The following DENND5B variants were observed in gnomAD, a reference collection of about 807,000 sequenced individuals.
DENND5B encodes the protein DENN domain containing 5B, also known as DENN domain-containing protein 5B.
A neutral mutation model predicts 140.6 loss-of-function variants in DENND5B; 34 were observed. The ratio of observed to expected loss-of-function variants is 0.24; its 90% CI spans 0.18 to 0.32. DENND5B has a LOEUF of 0.32. DENND5B is among the 10% of genes least tolerant of loss of function. DENND5B has a pLI of 1.00. For synonymous variants in DENND5B, 551 were observed against 562.1 expected, an observed-to-expected ratio of 0.98 and a Z score of 0.28; for missense variants, 1,142 against 1,560.2, an observed-to-expected ratio of 0.73 and a Z score of 4.52.
chr12:31,585,614 A>G (rs532336963), intron 1 of DENND5B, among the ~76,000 whole-genome samples: 1 of 152,354 alleles, frequency 6.6e-6, no homozygotes, highest in African/African-American at 2.4e-5. Context: ...GATCAAATGT[A>G]ATCTGAGAGG....
chr12:31,551,415 G>T (rs1278144424), intron 1 of DENND5B, among the ~76,000 whole-genome samples: 1 of 152,082 alleles, frequency 6.6e-6, no homozygotes, highest in Non-Finnish European at 1.5e-5. Context: ...CTGTTCCATT[G>T]ATCTATATCT....
At chr12:31,414,695 G>A (rs1288347524) in intron 12 of DENND5B, among the ~76,000 whole-genome samples, 3 of 151,898 alleles carry the variant, frequency 2.0e-5, no homozygotes, top group Middle Eastern at 3.2e-3. Context: ...CACTTTGGAC[G>A]GCTGAGGCAG....
intron 2 of DENND5B, among the ~76,000 whole-genome samples, chr12:31,489,179 A>G (rs918608349): frequency 3.3e-5 from 5 of 152,210 alleles, no homozygotes; most frequent in African/African-American, 1.2e-4. Context: ...ACTTAGAAGT[A>G]TAGTAGGCTA....
intron 2 of DENND5B, among the ~76,000 whole-genome samples, chr12:31,482,618 ACT>A (rs1039862739): frequency 1.9e-4 from 28 of 151,334 alleles, no homozygotes; most frequent in African/African-American, 3.2e-4. Context: ...TTGCTCTATC[ACT>A]CAGGATGAAG....
rs907485254 is a variant in DENND5B, at chr12:31,385,847, T to G, written c.*1756A>C. The G allele has an allele frequency of 6.6e-6, 1 of 152,430 alleles. No individual in the cohort carries two copies. The highest frequency in any genetic ancestry group is 2.4e-5 in the African/African-American group (1 of 41,462). 9.4% of individuals were successfully genotyped at this position (152,430 alleles called of 1,614,324 possible). On this transcript the variant is annotated 3_prime_UTR_variant, in exon 21 of 21. Coordinates refer to ENST00000389082, the MANE Select transcript of DENND5B (RefSeq NM_144973.4). Reference sequence around the variant, plus strand: ...ACCCGCCACCACGCCCGGCTAATTTTTTGTATTTTTAGTAGAGACGGGGTT... The same window carrying G: ...ACCCGCCACCACGCCCGGCTAATTTGTTGTATTTTTAGTAGAGACGGGGTT...
At chr12:31,427,638 GT>G (rs1943310534) in intron 8 of DENND5B, among the ~76,000 whole-genome samples, 1 of 151,586 alleles carries the variant, frequency 6.6e-6, no homozygotes, top group Non-Finnish European at 1.5e-5. Context: ...GATACCTTAT[GT>G]TTACATCAGG....
chr12:31,447,603 T>C lies in DENND5B; in HGVS notation c.1796A>G (p.Tyr599Cys), dbSNP rs1944328003. 1 of 1,614,018 alleles carries C rather than the reference T, an allele frequency of 6.2e-7. No individual in the cohort carries two copies. The highest frequency in any genetic ancestry group is 1.1e-5 in the South Asian group (1 of 91,082). The part of the protein sequence containing the change: ...FDTRIDKIRL[Y>C]NVRAPTLRTS... ...CCGCAAGGTGGGTGCCCTTACATTATACAGCCTTATCTTATCAATCCGAGT... is the reference window on the plus strand; with the variant it reads ...CCGCAAGGTGGGTGCCCTTACATTACACAGCCTTATCTTATCAATCCGAGT... Residue 599 changes from tyrosine (Y) to cysteine (C), a missense_variant, in exon 6 of 21, where the codon TAT becomes TGT. Physicochemically the swap from Tyr to Cys is radical, Grantham distance 194. This residue lies in a region of DENND5B where 708 missense variants were observed against 905.5 expected (regional missense o/e 0.78). Coordinates refer to ENST00000389082, the MANE Select transcript of DENND5B (RefSeq NM_144973.4).
At position 31,583,241 on chromosome 12, in the gene DENND5B, G is replaced by A. The variant is rs1950267044; in HGVS notation, c.127+7465C>T. Among the ~76,000 whole-genome samples, 5 of 151,474 alleles carry A rather than the reference G, an allele frequency of 3.3e-5. No individual in the cohort carries two copies. The South Asian group carries it at 1.0e-3, about 31-fold the overall frequency. On this transcript the variant is annotated intron_variant, in intron 1 of 20. Transcript: ENST00000389082. ...CGGGAGGCGGAGATTGCAGTGAGGA[G>A]AGATAGCGCCACTGCGCTCCAGCCT...
intron 3 of DENND5B, among the ~76,000 whole-genome samples, chr12:31,466,150 C>T (rs1945253889): frequency 6.6e-6 from 1 of 151,744 alleles, no homozygotes; most frequent in African/African-American, 2.4e-5. Context: ...GTCAAGAGAT[C>T]GAGACCATCC....
chr12:31,587,717 T>C lies in DENND5B; in HGVS notation c.127+2989A>G, dbSNP rs1950447774. ...GGCATGTGCCACCACGCCCAGCTTTTTGTATTTTCAGGTGAGATGTGGTTT... is the reference window on the plus strand; with the variant it reads ...GGCATGTGCCACCACGCCCAGCTTTCTGTATTTTCAGGTGAGATGTGGTTT... On this transcript the variant is annotated intron_variant, in intron 1 of 20. Transcript: ENST00000389082. Among the ~76,000 whole-genome samples, 3 of 152,050 alleles carry C rather than the reference T, an allele frequency of 2.0e-5. No homozygotes were observed. The South Asian group carries it at 6.2e-4, about 32-fold the overall frequency.
chr12:31,399,674 T>G lies in DENND5B; in HGVS notation c.3048A>C (p.Glu1016Asp), dbSNP rs1941696625. 6.2e-7 allele frequency: 1 copy of G among 1,613,828 alleles called. No individual in the cohort carries two copies. Among genetic ancestry groups the G allele is most frequent in the East Asian group, 2.2e-5 (1 of 44,884 alleles). The part of the protein sequence containing the change: ...WLVDCVMVRN[E>D]ITGHTYRFPC... ...CTTACCTGTATGTATGTCCTGTGAT[T>G]TCATTTCTGACCATGACACAATCCA... Residue 1016 changes from glutamate (E) to aspartate (D), a missense_variant, in exon 16 of 21, where the codon GAA becomes GAC. By Grantham distance (45) the Glu-to-Asp change is conservative (BLOSUM62 2). This residue lies in a region of DENND5B where 268 missense variants were observed against 349.2 expected (regional missense o/e 0.77). Transcript: ENST00000389082.
chr12:31,534,223 G>A (rs1023396941), intron 1 of DENND5B, among the ~76,000 whole-genome samples: 1 of 151,908 alleles, frequency 6.6e-6, no homozygotes, highest in African/African-American at 2.4e-5. Context: ...GCAGTGGTGC[G>A]ATCTCGGCTT....
intron 15 of DENND5B, among the ~76,000 whole-genome samples, chr12:31,402,110 C>G (rs1403792425): frequency 6.6e-6 from 1 of 151,116 alleles, no homozygotes. Context: ...TGAATATCAG[C>G]TCTCCTGTCC....
intron 8 of DENND5B, among the ~76,000 whole-genome samples, chr12:31,431,870 AG>A (rs1274147538): frequency 6.6e-6 from 1 of 152,222 alleles, no homozygotes; most frequent in Non-Finnish European, 1.5e-5. Context: ...AAACACAGAA[AG>A]GGACTAAACA....
intron 8 of DENND5B, 126 bp from the exon 9 acceptor site, chr12:31,426,550 C>A (rs928431352): frequency 1.8e-6 from 2 of 1,084,542 alleles, no homozygotes; most frequent in Non-Finnish European, 2.6e-6. Flanking sequence ...GTGCATATAA[C>A]AACAATTAAT....
At chr12:31,461,006 G>A (rs1424998563) in intron 3 of DENND5B, among the ~76,000 whole-genome samples, 2 of 152,120 alleles carry the variant, frequency 1.3e-5, no homozygotes, top group South Asian at 2.1e-4. Flanking sequence ...GATTACAGGC[G>A]TGAACCACCG....
chr12:31,485,422 A>C (rs1946262488), intron 2 of DENND5B, among the ~76,000 whole-genome samples: 1 of 152,232 alleles, frequency 6.6e-6, no homozygotes, highest in African/African-American at 2.4e-5. Flanking sequence ...TTACAGGAAT[A>C]AACAAACTTA....
Position 31,424,534 on chromosome 12 carries a change from C to T in DENND5B, c.2391+1G>A. On this transcript the variant is annotated splice_donor_variant, in intron 10 of 20. Transcript: ENST00000389082. LOFTEE classifies it high-confidence loss of function. ...TCACCAGGACCTCCTAAAACTGTTA[C>T]CTGCTTGACCTGCAAGCCATGGCTC... 6.2e-7 allele frequency: 1 copy of T among 1,612,616 alleles called. No homozygotes were observed. Among genetic ancestry groups the T allele is most frequent in the Non-Finnish European group, 8.5e-7 (1 of 1,179,396 alleles).
At chr12:31,494,892 C>T (rs1946697974) in intron 2 of DENND5B, among the ~76,000 whole-genome samples, 1 of 152,180 alleles carries the variant, frequency 6.6e-6, no homozygotes, top group African/African-American at 2.4e-5. Context: ...CCTGCTCCCA[C>T]CCTGTGGATT....
Sources: allele counts gnomAD v4.1 joint callset (sites outside exome capture counted in the v4.1 genomes callset), GRCh38; gene constraint gnomAD v4.1.1; regional missense constraint gnomAD v4.1.1; transcripts MANE v1.5; gene names NCBI Gene and HGNC (gene_info 2026-07-23, HGNC 2026-07-21).